Variants in BNC1 observed in about 807,000 individuals in gnomAD.
The protein encoded by BNC1 is zinc finger protein basonuclin-1.
A neutral mutation model predicts 66.5 loss-of-function variants in BNC1; 8 were observed. The ratio of observed to expected loss-of-function variants is 0.12; its 90% CI spans 0.07 to 0.22. The LOEUF (loss-of-function observed/expected upper bound fraction) is 0.22, where lower values mean the gene tolerates loss of function less well. Ranked by LOEUF, BNC1 falls within the 10% of genes least tolerant of loss-of-function variation. BNC1 has a pLI of 1.00. For missense variants in BNC1, 1,069 were observed against 1,241.3 expected (o/e 0.86, Z 2.09); for synonymous variants, 454 against 452.6 (o/e 1.00, Z -0.04).
rs2038226563 is a variant in BNC1 at position 83,267,173 on chromosome 15, C to T, written c.200-102G>A. On this transcript the variant is annotated intron_variant, in intron 2 of 4. Transcript: ENST00000345382. ...AGGACCAATTCTTGGTTATTTATTC[C>T]ACAGAAAATACATGAATATACAAAT... The T allele has an allele frequency of 4.9e-6, 4 of 822,706 alleles. No homozygotes were observed. The East Asian group carries it at 1.1e-4, about 22-fold the overall frequency. The allele number at this position is 822,706 out of a possible 1,614,324, so 51.0% of individuals were successfully genotyped here.
rs758155135 is a variant in BNC1, at chr15:83,264,124, T to C, written c.1127A>G (p.Tyr376Cys). The change falls in exon 4 of 5, where the codon TAC becomes TGC. Residue 376 changes from tyrosine to cysteine, a missense_variant. Tyr to Cys is a radical substitution (Grantham distance 194, BLOSUM62 -2). Around this residue, in one of 7 missense-constraint regions of BNC1, gnomAD observed 82 missense variants for 136.3 expected, o/e 0.60. Coordinates refer to ENST00000345382, the MANE Select transcript of BNC1 (RefSeq NM_001717.4). ...FYDKGTLKIH[Y>C]NAVHLKIKHK... ...CTTGATCTTCAAGTGGACGGCATTG[T>C]AGTGGATTTTGAGGGTGCCTTTGTC... is the stretch of plus-strand genomic sequence containing the variant. 1.2e-6 allele frequency: 2 copies of C among 1,614,080 alleles called. No individual in the cohort carries two copies. The highest frequency in any genetic ancestry group is 1.3e-5 in the African/African-American group (1 of 74,934).
intron 1 of BNC1, among the ~76,000 whole-genome samples, chr15:83,271,897 A>G (rs574371756): frequency 1.3e-5 from 2 of 152,378 alleles, no homozygotes; most frequent in East Asian, 3.8e-4. Flanking sequence ...TTATATAGTT[A>G]CCTTGAATGT....
Position 83,263,775 on chromosome 15 carries a change from G to A in BNC1, c.1476C>T (p.Tyr492=). The A allele has an allele frequency of 1.2e-6, 2 of 1,614,194 alleles. No individual in the cohort carries two copies. The highest frequency in any genetic ancestry group is 1.7e-6 in the Non-Finnish European group (2 of 1,180,046). The change falls in exon 4 of 5, where the codon TAC becomes TAT. Residue 492 remains tyrosine, a synonymous_variant. Transcript: ENST00000345382. ...LKTVQPVLPF[Y]RSPATPAEVA... The stretch of plus-strand genomic sequence containing the variant: ...CCTCGGCAGGCGTGGCTGGACTGCG[G>A]TAGAAAGGAAGGACTGGCTGGACTG...
chr15:83,258,368 GTCT>G (rs2038106375), intron 4 of BNC1, among the ~76,000 whole-genome samples: 1 of 152,196 alleles, frequency 6.6e-6, no homozygotes, highest in South Asian at 2.1e-4. Flanking sequence ...AGAATATGTA[GTCT>G]TCTTTGATTT....
intron 1 of BNC1, among the ~76,000 whole-genome samples, chr15:83,269,081 G>A (rs547023338): frequency 2.6e-5 from 4 of 152,120 alleles, no homozygotes; most frequent in African/African-American, 7.2e-5. Flanking sequence ...AAAATTAGCC[G>A]GGCATGGTGG....
intron 4 of BNC1, among the ~76,000 whole-genome samples, chr15:83,262,539 A>G (rs1170629599): frequency 1.3e-5 from 2 of 152,180 alleles, no homozygotes; most frequent in African/African-American, 4.8e-5. Context: ...AGAAGATTAC[A>G]AGTAGCCTCA....
rs1239505429 is a variant in BNC1 at position 83,283,405 on chromosome 15, G to A, written c.99+1125C>T. Reference sequence around the variant, plus strand: ...CCCCGCAGCGGCCTCCTCCTTCTCCGCCCGCGGCCCCCAGCCTCGCCGCCG... The same window carrying A: ...CCCCGCAGCGGCCTCCTCCTTCTCCACCCGCGGCCCCCAGCCTCGCCGCCG... On this transcript the variant is annotated intron_variant, in intron 1 of 4. Coordinates refer to ENST00000345382, the MANE Select transcript of BNC1 (RefSeq NM_001717.4). The A allele has an allele frequency of 5.7e-6, 7 of 1,221,940 alleles. 1 individual carries two copies. The highest frequency in any genetic ancestry group is 7.1e-6 in the Non-Finnish European group (7 of 980,762). 75.7% of individuals were successfully genotyped at this position (1,221,940 alleles called of 1,614,324 possible).
chr15:83,256,791 T>C lies in BNC1; in HGVS notation c.*651A>G, dbSNP rs1231603839. Reference sequence around the variant, plus strand: ...ATTATTTAAGTGCATGAGATATTTTTCCCCTAGCTTCTTGAATGCATGTTA... The same window carrying C: ...ATTATTTAAGTGCATGAGATATTTTCCCCCTAGCTTCTTGAATGCATGTTA... On this transcript the variant is annotated 3_prime_UTR_variant, in exon 5 of 5. Transcript: ENST00000345382. The C allele has an allele frequency of 6.6e-6, 1 of 152,244 alleles. No individual in the cohort carries two copies. The highest frequency in any genetic ancestry group is 1.5e-5 in the Non-Finnish European group (1 of 68,060). 9.4% of individuals were successfully genotyped at this position (152,244 alleles called of 1,614,324 possible). A position where few individuals can be genotyped will look rare whatever the true frequency, so the allele number is the denominator to read the frequency against.
rs922302380 is a variant in BNC1, at chr15:83,279,367, GA to G, written c.99+5162del. 1.4e-4 allele frequency among the ~76,000 whole-genome samples: 22 copies of G among 152,004 alleles called. 1 individual carries two copies. The highest frequency in any genetic ancestry group is 2.8e-4 in the Non-Finnish European group (19 of 67,996). On this transcript the variant is annotated intron_variant, in intron 1 of 4. Transcript: ENST00000345382. The stretch of plus-strand genomic sequence containing the variant: ...TTTGAAATCTTCTATAATAAAAAGT[GA>G]AAAAAATAAGTCAAACTCCTACTCT...
chr15:83,268,371 T>C lies in BNC1; in HGVS notation c.100-139A>G, dbSNP rs189046612. Reference sequence around the variant, plus strand: ...GCCCACTGTGTGCCAGGCCCAGAAGTGTATATTGTACTCTGGAAAGATGAG... The same window carrying C: ...GCCCACTGTGTGCCAGGCCCAGAAGCGTATATTGTACTCTGGAAAGATGAG... On this transcript the variant is annotated intron_variant, in intron 1 of 4. Transcript: ENST00000345382. 13 of 733,818 alleles carry C rather than the reference T, an allele frequency of 1.8e-5. No homozygotes were observed. In the East Asian group the frequency reaches 3.2e-4, roughly 18 times the overall value. The allele number at this position is 733,818 out of a possible 1,614,324, so 45.5% of individuals were successfully genotyped here.
Position 83,266,576 on chromosome 15 carries a change from G to A in BNC1, c.435+260C>T, listed in dbSNP as rs182804933. ...GGCAGCACCTGAAATGGGGCAAATGGTTTATTGTGGAAGAGGTAGTTTAGT... is the reference window on the plus strand; with the variant it reads ...GGCAGCACCTGAAATGGGGCAAATGATTTATTGTGGAAGAGGTAGTTTAGT... On this transcript the variant is annotated intron_variant, in intron 3 of 4. Transcript: ENST00000345382. Among the ~76,000 whole-genome samples the A allele has an allele frequency of 1.8e-3, 277 of 152,308 alleles. 1 individual carries two copies. The highest frequency in any genetic ancestry group is 4.1e-3 in the Admixed American group (62 of 15,292).
At chr15:83,273,162 G>C (rs2038285629) in intron 1 of BNC1, among the ~76,000 whole-genome samples, 1 of 152,138 alleles carries the variant, frequency 6.6e-6, no homozygotes, top group Non-Finnish European at 1.5e-5. Flanking sequence ...GCTTAATAAA[G>C]CTCATTAAAC....
Position 83,284,629 on chromosome 15 carries a change from C to A in BNC1, c.-1G>T. 1.0e-6 allele frequency: 1 copy of A among 994,270 alleles called. No homozygotes were observed. The highest frequency in any genetic ancestry group is 1.2e-6 in the Non-Finnish European group (1 of 837,274). 61.6% of individuals were successfully genotyped at this position (994,270 alleles called of 1,614,324 possible). A position where few individuals can be genotyped will look rare whatever the true frequency, so the allele number is the denominator to read the frequency against. ...CCCGGCTCGGCGGGCGCCGCCGCATCCACGCTCCGGCCGTCGGGGCGCGAC... is the reference window on the plus strand; with the variant it reads ...CCCGGCTCGGCGGGCGCCGCCGCATACACGCTCCGGCCGTCGGGGCGCGAC... On this transcript the variant is annotated 5_prime_UTR_variant, in exon 1 of 5. Transcript: ENST00000345382.
chr15:83,262,043 ATGTTTTTTTT>A (rs2038148121), intron 4 of BNC1, among the ~76,000 whole-genome samples: 2 of 137,914 alleles, frequency 1.5e-5, no homozygotes, highest in African/African-American at 5.5e-5. Context: ...CAACTAGTTC[ATGTTTTTTTT>A]TTTTTTTTTT....
intron 4 of BNC1, among the ~76,000 whole-genome samples, chr15:83,262,097 G>C (rs1419968059): frequency 1.3e-5 from 2 of 148,176 alleles, no homozygotes; most frequent in Non-Finnish European, 3.0e-5. Flanking sequence ...CGCTAGGCTG[G>C]AGTGCAGTGG....
At chr15:83,274,058 G>A (rs1413369980) in intron 1 of BNC1, among the ~76,000 whole-genome samples, 1 of 152,154 alleles carries the variant, frequency 6.6e-6, no homozygotes, top group Non-Finnish European at 1.5e-5. Context: ...CACAGCACTG[G>A]CCCTTTGAAG....
intron 1 of BNC1, among the ~76,000 whole-genome samples, chr15:83,280,096 CT>C (rs1567196600): frequency 6.6e-6 from 1 of 152,068 alleles, no homozygotes; most frequent in African/African-American, 2.4e-5. Flanking sequence ...AATGTCTGTG[CT>C]TTTTTTCTTA....
At position 83,264,636 on chromosome 15, in the gene BNC1, C is replaced by A; in HGVS notation, c.615G>T (p.Arg205Ser). Residue 205 changes from arginine to serine, a missense_variant, in exon 4 of 5, where the codon AGG becomes AGT. By Grantham distance (110) the Arg-to-Ser change is moderately radical. Coordinates refer to ENST00000345382, the MANE Select transcript of BNC1 (RefSeq NM_001717.4). ...IPPSTANVDI[R>S]AFIESCSHRS... ...TGTGACTGCAGCTCTCGATGAAAGC[C>A]CTGATATCTACATTTGCTGTGGAAG... The A allele has an allele frequency of 6.2e-7, 1 of 1,614,064 alleles. No individual in the cohort carries two copies.
At chr15:83,268,070 G>T in intron 2 of BNC1, 63 bp downstream of exon 2, 1 of 1,366,302 alleles carries the variant, frequency 7.3e-7, no homozygotes, top group African/African-American at 1.4e-5. Context: ...ATCAGTTCCT[G>T]AATAACTCTA....
Sources: gnomAD v4.1 joint callset for allele counts (sites outside exome capture counted in the v4.1 genomes callset) on GRCh38, gnomAD v4.1.1 for gene constraint, gnomAD v4.1.1 regional missense constraint, MANE v1.5 for transcripts, NCBI Gene and HGNC (gene_info 2026-07-23, HGNC 2026-07-21) for gene names.